Variants in PDE3A observed in about 807,000 individuals in gnomAD.
PDE3A encodes cGMP-inhibited 3',5'-cyclic phosphodiesterase 3A.
A neutral mutation model predicts 98.3 loss-of-function variants in PDE3A; 43 were observed. That is an observed-to-expected ratio of 0.44 (90% CI 0.34 to 0.56). The LOEUF (loss-of-function observed/expected upper bound fraction) is 0.56. Among genes scored for constraint, PDE3A ranks in the 20% least tolerant of loss-of-function variants. The pLI is 0.01. For missense variants in PDE3A, 1,427 were observed against 1,440.7 expected, an observed-to-expected ratio of 0.99 and a Z score of 0.15; for synonymous variants, 663 against 567.9, an observed-to-expected ratio of 1.17 and a Z score of -2.38.
At chr12:20,385,547 C>A (rs1181716352) in intron 1 of PDE3A, among the ~76,000 whole-genome samples, 1 of 151,782 alleles carries the variant, frequency 6.6e-6, no homozygotes, top group Admixed American at 6.6e-5. Context: ...GCCAAATGTC[C>A]AACAATGATA....
chr12:20,553,056 A>T (rs1191277547), intron 1 of PDE3A: 4 of 1,197,838 alleles, frequency 3.3e-6, no homozygotes, highest in Non-Finnish European at 3.6e-6. Flanking sequence ...AACGTGTCGG[A>T]GGGCTCGTTC....
chr12:20,584,952 A>G (rs1482054920), intron 2 of PDE3A, among the ~76,000 whole-genome samples: 1 of 152,220 alleles, frequency 6.6e-6, no homozygotes, highest in East Asian at 1.9e-4. Context: ...CAAGGCACTC[A>G]GAACATTTTT....
intron 1 of PDE3A, among the ~76,000 whole-genome samples, chr12:20,528,541 T>C (rs1435104909): frequency 2.6e-5 from 4 of 152,204 alleles, no homozygotes; most frequent in African/African-American, 9.7e-5. Flanking sequence ...ACCTTGATTA[T>C]GTTTATAATG....
At chr12:20,590,741 T>C (rs1015742712) in intron 2 of PDE3A, among the ~76,000 whole-genome samples, 1 of 152,154 alleles carries the variant, frequency 6.6e-6, no homozygotes, top group Admixed American at 6.5e-5. Context: ...ATTCCCACCC[T>C]AGACAGTACA....
At chr12:20,573,509 C>G (rs1478438196) in intron 2 of PDE3A, among the ~76,000 whole-genome samples, 1 of 152,024 alleles carries the variant, frequency 6.6e-6, no homozygotes, top group African/African-American at 2.4e-5. Flanking sequence ...AGAGGTAAGA[C>G]TGTGTTCAAA....
chr12:20,574,705 A>G (rs1256039510), intron 2 of PDE3A, among the ~76,000 whole-genome samples: 1 of 151,892 alleles, frequency 6.6e-6, no homozygotes, highest in East Asian at 1.9e-4. Context: ...CTTTTCTCTG[A>G]TCCTTCAGAA....
At position 20,369,371 on chromosome 12, in the gene PDE3A, C is replaced by A; in HGVS notation, c.87C>A (p.Cys29Ter). Reference sequence around the variant, plus strand: ...AAGCCCCCACGGCGGGCCGGGACTGCCACCATCGTGCGGACCCCGCATCGC... The same window carrying A: ...AAGCCCCCACGGCGGGCCGGGACTGACACCATCGTGCGGACCCCGCATCGC... ...VSQAPTAGRD[C>*]HHRADPASPR... The change falls in exon 1 of 16, where the codon TGC becomes TGA. Residue 29 changes from cysteine (C) to a stop codon, truncating the protein, a stop_gained. Coordinates refer to ENST00000359062, the MANE Select transcript of PDE3A (RefSeq NM_000921.5). LOFTEE classifies it high-confidence loss of function. 6.5e-7 allele frequency: 1 copy of A among 1,549,668 alleles called. No homozygotes were observed. Among genetic ancestry groups the A allele is most frequent in the East Asian group, 2.4e-5 (1 of 40,920 alleles).
Position 20,613,476 on chromosome 12 carries a change from G to C in PDE3A, c.1045G>C (p.Val349Leu). ...SGTSITVDIA[V>L]MGEAHGLITD... The stretch of plus-strand genomic sequence containing the variant: ...AACCAGTATTACTGTGGACATCGCC[G>C]TCATGGGCGAGGCCCACGGCCTCAT... The change falls in exon 3 of 16, where the codon GTC becomes CTC. Residue 349 changes from valine to leucine, a missense_variant. Val to Leu is a conservative substitution (Grantham distance 32, BLOSUM62 1). Around this residue, in one of 3 missense-constraint regions of PDE3A, gnomAD observed 1,012 missense variants for 886.5 expected, o/e 1.14. Transcript: ENST00000359062. 6.2e-7 allele frequency: 1 copy of C among 1,613,960 alleles called. No homozygotes were observed. Among genetic ancestry groups the C allele is most frequent in the Non-Finnish European group, 8.5e-7 (1 of 1,179,830 alleles).
chr12:20,680,448 CTT>C lies in PDE3A; in HGVS notation c.*181_*182del. 4.5e-6 allele frequency: 3 copies of C among 661,784 alleles called. No homozygotes were observed. Among genetic ancestry groups the C allele is most frequent in the Non-Finnish European group, 7.6e-6 (3 of 395,572 alleles). The allele number at this position is 661,784 out of a possible 1,614,324, so 41.0% of individuals were successfully genotyped here. ...TTACAGTGAGGTACATTGTTAAAAA[CTT>C]TTTGCTCAAAGAAGCTTTCACATTG... On this transcript the variant is annotated 3_prime_UTR_variant, in exon 16 of 16. Transcript: ENST00000359062.
At chr12:20,520,029 C>T (rs7977362) in intron 1 of PDE3A, among the ~76,000 whole-genome samples, 32,834 of 152,092 alleles carry the variant, frequency 0.22, 3,702 homozygotes, top group South Asian at 0.25. Flanking sequence ...GGTGACATCG[C>T]TATTCAGTGA....
chr12:20,519,738 TTTTG>T (rs1181858094), intron 1 of PDE3A, among the ~76,000 whole-genome samples: 6 of 152,046 alleles, frequency 3.9e-5, no homozygotes, highest in African/African-American at 1.4e-4. Flanking sequence ...AGAAAGGGAT[TTTTG>T]TTTGGTTGAT....
intron 1 of PDE3A, among the ~76,000 whole-genome samples, chr12:20,508,351 GC>G (rs1946155347): frequency 6.6e-6 from 1 of 150,876 alleles, no homozygotes; most frequent in Admixed American, 6.6e-5. Context: ...TCTAACACAT[GC>G]TAAAATTTAC....
intron 14 of PDE3A, 69 bp from the exon 15 acceptor site, chr12:20,653,878 T>C: frequency 6.6e-7 from 1 of 1,522,934 alleles, no homozygotes; most frequent in Admixed American, 1.8e-5. Flanking sequence ...CATTAATGCC[T>C]GGGGTTTTAC....
At chr12:20,449,652 CT>C in intron 1 of PDE3A, 3 of 425,916 alleles carry the variant, frequency 7.0e-6, no homozygotes, top group Admixed American at 3.4e-5. Flanking sequence ...CTACAAGTCG[CT>C]TTTCCCCCTA....
At chr12:20,411,799 T>C (rs747665380) in intron 1 of PDE3A, among the ~76,000 whole-genome samples, 1 of 152,196 alleles carries the variant, frequency 6.6e-6, no homozygotes, top group Non-Finnish European at 1.5e-5. Context: ...TTTCATCTAA[T>C]GTCCCCGACG....
intron 1 of PDE3A, among the ~76,000 whole-genome samples, chr12:20,485,905 C>A (rs189462334): frequency 9.2e-5 from 14 of 152,060 alleles, no homozygotes; most frequent in African/African-American, 2.9e-4. Flanking sequence ...TTCTTTGGAA[C>A]AACTGAGGAG....
At chr12:20,388,337 T>G (rs1432278917) in intron 1 of PDE3A, among the ~76,000 whole-genome samples, 1 of 152,094 alleles carries the variant, frequency 6.6e-6, no homozygotes, top group Non-Finnish European at 1.5e-5. Flanking sequence ...CCTGAAATTT[T>G]AGATCGGCCT....
chr12:20,624,771 C>A (rs1439115504), intron 5 of PDE3A, among the ~76,000 whole-genome samples: 2 of 152,162 alleles, frequency 1.3e-5, no homozygotes, highest in African/African-American at 4.8e-5. Context: ...GATTACAACC[C>A]TCCCTAATCA....
At chr12:20,501,170 T>C (rs892455680) in intron 1 of PDE3A, among the ~76,000 whole-genome samples, 3 of 152,222 alleles carry the variant, frequency 2.0e-5, no homozygotes, top group African/African-American at 7.2e-5. Context: ...AAGTTTTTTC[T>C]CTTAATACTA....
Sources: gnomAD v4.1 joint callset for allele counts (sites outside exome capture counted in the v4.1 genomes callset) on GRCh38, gnomAD v4.1.1 for gene constraint, gnomAD v4.1.1 regional missense constraint, MANE v1.5 for transcripts, NCBI Gene and HGNC (gene_info 2026-07-23, HGNC 2026-07-21) for gene names.